NAV3: variants seen among roughly 807,000 people sequenced by gnomAD.
NAV3 encodes the protein pore membrane and/or filament interacting like protein 1.
A neutral mutation model predicts 244.7 loss-of-function variants in NAV3; 87 were observed. The ratio of observed to expected loss-of-function variants is 0.36; its 90% CI spans 0.30 to 0.42. The LOEUF (loss-of-function observed/expected upper bound fraction) is 0.42. Ranked by LOEUF, NAV3 falls within the 20% of genes least tolerant of loss-of-function variation. The pLI, the probability that NAV3 is intolerant of heterozygous loss-of-function variation, is 1.00. For synonymous variants in NAV3, 1,126 were observed against 1,042.2 expected, an observed-to-expected ratio of 1.08 and a Z score of -1.55; for missense variants, 2,663 against 2,893.3, an observed-to-expected ratio of 0.92 and a Z score of 1.83.
At chr12:77,925,941 T>C (rs1888172367) in intron 1 of NAV3, among the ~76,000 whole-genome samples, 1 of 152,148 alleles carries the variant, frequency 6.6e-6, no homozygotes, top group South Asian at 2.1e-4. Flanking sequence ...CAACAGAATC[T>C]TCCAAGTAGT....
intron 2 of NAV3, among the ~76,000 whole-genome samples, chr12:77,598,259 A>G (rs1242515972): frequency 1.3e-5 from 2 of 152,096 alleles, no homozygotes; most frequent in African/African-American, 2.4e-5. Flanking sequence ...TTAGTTTACA[A>G]GATCATTTGA....
intron 12 of NAV3, among the ~76,000 whole-genome samples, chr12:78,059,338 G>T (rs1045494216): frequency 1.3e-5 from 2 of 151,906 alleles, no homozygotes; most frequent in Non-Finnish European, 2.9e-5. Context: ...CACCAGGCTG[G>T]AGTGCAATGG....
rs144647012 is a variant in NAV3, at chr12:77,784,617, T to A, written c.73-155702T>A. ...GATAGTTCTTCACCTCTCCTATAAA[T>A]CTGTGATTGTCATTCTGAATAACAG... is the stretch of plus-strand genomic sequence containing the variant. On this transcript the variant is annotated intron_variant, in intron 2 of 8. Coordinates refer to the NAV3 transcript ENST00000550042. Among the ~76,000 whole-genome samples the A allele has an allele frequency of 2.6e-5, 4 of 152,256 alleles. No individual in the cohort carries two copies. The East Asian group carries it at 7.7e-4, about 29-fold the overall frequency.
At chr12:77,872,267 C>T (rs1206322971) in intron 1 of NAV3, among the ~76,000 whole-genome samples, 1 of 152,110 alleles carries the variant, frequency 6.6e-6, no homozygotes, top group Non-Finnish European at 1.5e-5. Context: ...AGTTTCTTCT[C>T]TAGCATGGGA....
chr12:78,032,478 A>G (rs983877635), intron 9 of NAV3, among the ~76,000 whole-genome samples: 1 of 152,220 alleles, frequency 6.6e-6, no homozygotes, highest in Non-Finnish European at 1.5e-5. Context: ...AATATTCTTC[A>G]TAAGTCTTCA....
chr12:77,712,065 C>T (rs1189327235), intron 2 of NAV3, among the ~76,000 whole-genome samples: 1 of 152,148 alleles, frequency 6.6e-6, no homozygotes. Context: ...AAACCACCTG[C>T]AACTTGAGCA....
At position 77,695,121 on chromosome 12, in the gene NAV3, A is replaced by G. The variant is rs184333011; in HGVS notation, c.72+122855A>G. On this transcript the variant is annotated intron_variant, in intron 2 of 8. Coordinates refer to the NAV3 transcript ENST00000550042. Reference sequence around the variant, plus strand: ...TGTGGGTTGTCTTTTCACTTTTTTGATTATATCCTTTGCTGTGCAGAAGCT... The same window carrying G: ...TGTGGGTTGTCTTTTCACTTTTTTGGTTATATCCTTTGCTGTGCAGAAGCT... 8.5e-5 allele frequency among the ~76,000 whole-genome samples: 13 copies of G among 152,200 alleles called. No homozygotes were observed. In the East Asian group the frequency reaches 2.3e-3, roughly 27 times the overall value.
intron 28 of NAV3, among the ~76,000 whole-genome samples, 153 bp downstream of exon 28, chr12:78,177,838 C>G (rs1958307907): frequency 6.6e-6 from 1 of 152,016 alleles, no homozygotes; most frequent in Non-Finnish European, 1.5e-5. Flanking sequence ...TTCCTAAAAT[C>G]AACCTGCAAT....
chr12:78,127,664 A>C (rs1955975553), intron 17 of NAV3, among the ~76,000 whole-genome samples: 1 of 152,172 alleles, frequency 6.6e-6, no homozygotes, highest in South Asian at 2.1e-4. Context: ...TGGGCAGTTA[A>C]TGTTGATAGG....
intron 8 of NAV3, among the ~76,000 whole-genome samples, chr12:78,013,556 A>G (rs1443791134): frequency 6.6e-6 from 1 of 152,120 alleles, no homozygotes; most frequent in Non-Finnish European, 1.5e-5. Context: ...TCTCTTGAAC[A>G]TTGAAGATTG....
chr12:77,785,566 T>C (rs891783067), intron 2 of NAV3, among the ~76,000 whole-genome samples: 1 of 152,094 alleles, frequency 6.6e-6, no homozygotes, highest in African/African-American at 2.4e-5. Flanking sequence ...AACAAATTGC[T>C]GTATTAGGGA....
chr12:78,153,869 A>T (rs541302883), intron 22 of NAV3, among the ~76,000 whole-genome samples: 41 of 151,970 alleles, frequency 2.7e-4, no homozygotes, highest in Non-Finnish European at 5.4e-4. Context: ...ATTGGTGCAT[A>T]TTATTAATGA....
intron 1 of NAV3, 34 bp from the exon 2 acceptor site, chr12:77,940,285 C>T (rs1450896010): frequency 2.7e-6 from 4 of 1,478,822 alleles, no homozygotes; most frequent in East Asian, 4.5e-5. Flanking sequence ...TTTCCCTCAC[C>T]CCATCTCACT....
chr12:77,864,621 A>C (rs1457194483), intron 1 of NAV3, among the ~76,000 whole-genome samples: 1 of 151,958 alleles, frequency 6.6e-6, no homozygotes, highest in Non-Finnish European at 1.5e-5. Flanking sequence ...TATTCCAATA[A>C]AGTCTCTGCT....
chr12:78,159,012 G>A (rs929112564), intron 22 of NAV3, among the ~76,000 whole-genome samples, 191 bp from the exon 23 acceptor site: 1 of 152,124 alleles, frequency 6.6e-6, no homozygotes. Flanking sequence ...CTGATTTTAA[G>A]AAGACAAAGT....
At chr12:77,948,244 G>C (rs1027328891) in intron 3 of NAV3, among the ~76,000 whole-genome samples, 2 of 151,962 alleles carry the variant, frequency 1.3e-5, no homozygotes, top group African/African-American at 4.8e-5. Flanking sequence ...TTATATTATA[G>C]AATGAATAGC....
At chr12:77,643,088 A>T (rs1237532965) in intron 2 of NAV3, among the ~76,000 whole-genome samples, 3 of 151,918 alleles carry the variant, frequency 2.0e-5, no homozygotes, top group Non-Finnish European at 2.9e-5. Flanking sequence ...ATCTAGACAA[A>T]ATCACTCTTT....
intron 39 of NAV3, among the ~76,000 whole-genome samples, chr12:78,207,982 A>G (rs1960497434): frequency 6.6e-6 from 1 of 152,198 alleles, no homozygotes; most frequent in South Asian, 2.1e-4. Flanking sequence ...GAAATGATAA[A>G]CATTAAATTT....
intron 2 of NAV3, among the ~76,000 whole-genome samples, chr12:77,626,080 T>C (rs1871606301): frequency 6.6e-6 from 1 of 150,992 alleles, no homozygotes; most frequent in Admixed American, 6.6e-5. Flanking sequence ...AAATGAAAAA[T>C]CAACAAAGAG....
Sources: gnomAD v4.1 joint callset for allele counts (sites outside exome capture counted in the v4.1 genomes callset) on GRCh38, gnomAD v4.1.1 for gene constraint, MANE v1.5 for transcripts, NCBI Gene and HGNC (gene_info 2026-07-23, HGNC 2026-07-21) for gene names.